MAPK10: variants seen among roughly 807,000 people sequenced by gnomAD.
MAPK10 encodes JNK3 alpha protein kinase.
Under a neutral mutation model 59.3 loss-of-function variants are expected in MAPK10, and 25 were observed. That is an observed-to-expected ratio of 0.42 (90% confidence interval 0.31 to 0.59). The LOEUF is 0.59. Among genes scored for constraint, MAPK10 ranks in the 20% least tolerant of loss-of-function variants. The pLI is 0.15. For missense variants in MAPK10, 351 were observed against 568.9 expected, an observed-to-expected ratio of 0.62 and a Z score of 3.90; for synonymous variants, 190 against 200.5, an observed-to-expected ratio of 0.95 and a Z score of 0.44.
chr4:86,148,104 C>A (rs1393583853), intron 4 of MAPK10, among the ~76,000 whole-genome samples: 2 of 152,172 alleles, frequency 1.3e-5, no homozygotes, highest in African/African-American at 4.8e-5. Flanking sequence ...AGGAGATCAT[C>A]ATCTAGCAGC....
chr4:86,149,582 T>A (rs1202129279), intron 4 of MAPK10, among the ~76,000 whole-genome samples: 2 of 152,192 alleles, frequency 1.3e-5, no homozygotes, highest in Non-Finnish European at 2.9e-5. Context: ...TGGATTATTT[T>A]ACTGGCATTC....
rs146458223 is a variant in MAPK10, at chr4:86,564,696, C to T, written c.-263+29214G>A. On this transcript the variant is annotated intron_variant, in intron 1 of 4. Coordinates refer to the MAPK10 transcript ENST00000502302. Reference sequence around the variant, plus strand: ...GGAGATACCCCTTCCTCCTTTTCTACCACCTTTTTAAGGAGGTGAAACCGG... The same window carrying T: ...GGAGATACCCCTTCCTCCTTTTCTATCACCTTTTTAAGGAGGTGAAACCGG... Among the ~76,000 whole-genome samples the T allele has an allele frequency of 1.5e-3, 233 of 152,200 alleles. 1 individual carries two copies. In the South Asian group the frequency reaches 0.016, roughly 11 times the overall value.
intron 3 of MAPK10, among the ~76,000 whole-genome samples, chr4:86,181,768 C>T (rs2076980378): frequency 6.6e-6 from 1 of 152,068 alleles, no homozygotes; most frequent in African/African-American, 2.4e-5. Context: ...GAAAACAAAT[C>T]TGTAAACTTA....
intron 4 of MAPK10, among the ~76,000 whole-genome samples, chr4:86,156,006 A>C (rs940587625): frequency 4.6e-5 from 7 of 152,060 alleles, no homozygotes; most frequent in African/African-American, 1.7e-4. Context: ...GGATGGGATG[A>C]GATAGAGTGA....
chr4:86,566,663 C>T (rs1450758952), intron 1 of MAPK10, among the ~76,000 whole-genome samples: 19 of 151,632 alleles, frequency 1.3e-4, no homozygotes, highest in Admixed American at 5.9e-4. Context: ...TGCAGTGAGC[C>T]GACACAGTAC....
At chr4:86,462,021 G>T (rs1007658477) in intron 1 of MAPK10, among the ~76,000 whole-genome samples, 1 of 152,174 alleles carries the variant, frequency 6.6e-6, no homozygotes, top group African/African-American at 2.4e-5. Flanking sequence ...CCTGGGCCCC[G>T]TTCCAAACTG....
At chr4:86,236,793 T>G (rs189259366) in intron 2 of MAPK10, among the ~76,000 whole-genome samples, 9 of 152,174 alleles carry the variant, frequency 5.9e-5, no homozygotes, top group Admixed American at 3.9e-4. Flanking sequence ...AGGTGAATGA[T>G]GAATAATAGC....
rs574731636 is a variant in MAPK10 at position 86,086,018 on chromosome 4, G to T, written c.802+12506C>A. ...ATAATACACACTGGGGCCTGTCAGG[G>T]GAGCTGGGTGGGTGGAGGGAGAGCA... On this transcript the variant is annotated intron_variant, in intron 9 of 13. Coordinates refer to ENST00000641462, the MANE Select transcript of MAPK10 (RefSeq NM_138982.4). 2.0e-5 allele frequency among the ~76,000 whole-genome samples: 3 copies of T among 152,270 alleles called. No individual in the cohort carries two copies. The East Asian group carries it at 5.8e-4, about 29-fold the overall frequency.
chr4:86,457,564 C>G (rs1231277437), upstream of MAPK10, among the ~76,000 whole-genome samples: 1 of 151,984 alleles, frequency 6.6e-6, no homozygotes, highest in Non-Finnish European at 1.5e-5. Context: ...ACAATAGCTG[C>G]AAAACAAAAT....
intron 11 of MAPK10, among the ~76,000 whole-genome samples, chr4:86,063,299 A>G (rs889865835): frequency 2.0e-5 from 3 of 152,234 alleles, no homozygotes; most frequent in Admixed American, 6.5e-5. Context: ...GAAAACTGAA[A>G]GAAAGTGAAA....
chr4:86,533,255 A>G lies in MAPK10; in HGVS notation c.-263+60655T>C, dbSNP rs908343478. ...TGGTTACGAGGGGTAAAAGGGGGGG[A>G]AAATGAAGAGTTATTGTTTAATGGG... On this transcript the variant is annotated intron_variant, in intron 1 of 4. Transcript: ENST00000502302. Among the ~76,000 whole-genome samples, 7 of 152,158 alleles carry G rather than the reference A, an allele frequency of 4.6e-5. No individual in the cohort carries two copies. In the South Asian group the frequency reaches 8.3e-4, roughly 18 times the overall value.
At chr4:86,397,513 C>A (rs775978279) in intron 1 of MAPK10, among the ~76,000 whole-genome samples, 1 of 152,106 alleles carries the variant, frequency 6.6e-6, no homozygotes, top group Admixed American at 6.5e-5. Context: ...GATTTCCAAA[C>A]ATCTTTGAAG....
intron 1 of MAPK10, among the ~76,000 whole-genome samples, chr4:86,542,295 C>T (rs1758771833): frequency 6.6e-6 from 1 of 152,152 alleles, no homozygotes. Context: ...GCAAAGAATA[C>T]TAGGCCAGGA....
intron 2 of MAPK10, among the ~76,000 whole-genome samples, chr4:86,195,697 TTCTCTGAATGCTATCCCTCCCC>T (rs1314330642): frequency 6.6e-6 from 1 of 152,190 alleles, no homozygotes; most frequent in African/African-American, 2.4e-5. Flanking sequence ...CATTAGGTAT[TTCTCTGAATGCTATCCCTCCCC>T]TAGGCCCCCA....
chr4:86,032,047 C>T (rs542727404), intron 11 of MAPK10: 1 of 152,156 alleles, frequency 6.6e-6, no homozygotes, highest in Non-Finnish European at 1.5e-5. Flanking sequence ...TTTGTTTTAA[C>T]CTGCAGAAGC....
intron 2 of MAPK10, among the ~76,000 whole-genome samples, chr4:86,313,546 G>T (rs1340302267): frequency 1.3e-5 from 2 of 151,998 alleles, no homozygotes; most frequent in Non-Finnish European, 2.9e-5. Flanking sequence ...TTTTAAAAGT[G>T]GGCAAGAGAG....
chr4:86,214,595 A>G (rs1318412839), intron 2 of MAPK10, among the ~76,000 whole-genome samples: 2 of 151,928 alleles, frequency 1.3e-5, no homozygotes, highest in Non-Finnish European at 2.9e-5. Flanking sequence ...ACGCGCAAAA[A>G]TCAATTGCAT....
chr4:86,345,061 ATATCT>A (rs959596359), intron 2 of MAPK10, among the ~76,000 whole-genome samples: 22 of 152,322 alleles, frequency 1.4e-4, no homozygotes, highest in Non-Finnish European at 2.8e-4. Context: ...TATAGCTAAA[ATATCT>A]TATTTATTGA....
At chr4:86,276,156 G>C (rs752277023) in intron 2 of MAPK10, among the ~76,000 whole-genome samples, 49 of 151,890 alleles carry the variant, frequency 3.2e-4, no homozygotes, top group Non-Finnish European at 6.2e-4. Context: ...ATTTTGTTGG[G>C]TTTATATTTA....
Sources: allele counts gnomAD v4.1 joint callset (sites outside exome capture counted in the v4.1 genomes callset), GRCh38; gene constraint gnomAD v4.1.1; transcripts MANE v1.5; gene names NCBI Gene and HGNC (gene_info 2026-07-23, HGNC 2026-07-21).